The following LSAMP variants were observed in gnomAD, a reference collection of about 807,000 sequenced individuals.
The protein encoded by LSAMP is limbic system associated membrane protein, also known as limbic system-associated membrane protein.
In LSAMP, 7 loss-of-function variants were observed where a neutral mutation model predicts 38.6. That is an observed-to-expected ratio of 0.18 (90% confidence interval 0.10 to 0.34). The LOEUF is 0.34. Among genes scored for constraint, LSAMP ranks in the 10% least tolerant of loss-of-function variants. The pLI is 1.00. For synonymous variants in LSAMP, 154 were observed against 166.8 expected, an observed-to-expected ratio of 0.92 and a Z score of 0.59; for missense variants, 313 against 420.0, an observed-to-expected ratio of 0.75 and a Z score of 2.23.
intron 1 of LSAMP, among the ~76,000 whole-genome samples, chr3:116,330,035 T>G (rs965123138): frequency 6.6e-6 from 1 of 152,176 alleles, no homozygotes; most frequent in Admixed American, 6.5e-5. Flanking sequence ...AAAAGGGTAA[T>G]TAACTCACAT....
intron 1 of LSAMP, among the ~76,000 whole-genome samples, chr3:116,255,105 T>A (rs75700864): frequency 6.6e-6 from 1 of 152,106 alleles, no homozygotes; most frequent in African/African-American, 2.4e-5. Context: ...AGAGCTCTAT[T>A]CTATATTTTT....
chr3:116,387,685 G>A (rs1320931515), intron 1 of LSAMP, among the ~76,000 whole-genome samples: 1 of 152,030 alleles, frequency 6.6e-6, no homozygotes, highest in African/African-American at 2.4e-5. Flanking sequence ...AAACAACATC[G>A]GGATTTCCTA....
At chr3:116,008,416 T>G (rs1209026236) in intron 3 of LSAMP, among the ~76,000 whole-genome samples, 4 of 152,190 alleles carry the variant, frequency 2.6e-5, no homozygotes, top group Non-Finnish European at 4.4e-5. Context: ...AGTTTCATAT[T>G]CATTATCTCA....
chr3:116,433,036 C>G lies in LSAMP; in HGVS notation c.155+11841G>C, dbSNP rs79227700. On this transcript the variant is annotated intron_variant, in intron 1 of 6. Coordinates refer to ENST00000490035, the MANE Select transcript of LSAMP (RefSeq NM_002338.5). Reference sequence around the variant, plus strand: ...ATCTTTAGTTATCTCAAAACAAACACCAGCTACAAATTGGCAACCATATGT... The same window carrying G: ...ATCTTTAGTTATCTCAAAACAAACAGCAGCTACAAATTGGCAACCATATGT... Among the ~76,000 whole-genome samples, 79 of 152,284 alleles carry G rather than the reference C, an allele frequency of 5.2e-4. No individual in the cohort carries two copies. The East Asian group carries it at 0.014, about 26-fold the overall frequency.
chr3:115,823,245 T>C (rs1934303875), intron 6 of LSAMP, among the ~76,000 whole-genome samples: 1 of 152,170 alleles, frequency 6.6e-6, no homozygotes, highest in African/African-American at 2.4e-5. Context: ...GGAAATCCCT[T>C]GTGAGTCAAT....
At chr3:116,391,673 G>A (rs1214169655) in intron 1 of LSAMP, among the ~76,000 whole-genome samples, 1 of 152,060 alleles carries the variant, frequency 6.6e-6, no homozygotes, top group African/African-American at 2.4e-5. Context: ...TGATTCCGGG[G>A]AAATCACTTT....
chr3:115,850,352 G>A (rs1935290669), intron 4 of LSAMP, among the ~76,000 whole-genome samples: 1 of 151,902 alleles, frequency 6.6e-6, no homozygotes, highest in East Asian at 1.9e-4. Context: ...TACCACGATT[G>A]GACTTTCAGA....
intron 1 of LSAMP, among the ~76,000 whole-genome samples, chr3:116,099,017 G>T (rs1708286926): frequency 6.6e-6 from 1 of 152,222 alleles, no homozygotes; most frequent in African/African-American, 2.4e-5. Flanking sequence ...CGCTGGTAAG[G>T]TGATGAAAGT....
chr3:115,958,363 G>C (rs1483717266), intron 3 of LSAMP, among the ~76,000 whole-genome samples: 2 of 152,146 alleles, frequency 1.3e-5, no homozygotes, highest in Non-Finnish European at 2.9e-5. Context: ...ATAGGGTAAA[G>C]ATCATTTATT....
At chr3:116,434,816 T>C (rs1340402783) in intron 1 of LSAMP, among the ~76,000 whole-genome samples, 4 of 152,096 alleles carry the variant, frequency 2.6e-5, no homozygotes, top group East Asian at 1.9e-4. Context: ...TCCCAAAGTG[T>C]TGGGATTACA....
At chr3:116,425,549 A>G (rs2107862399) in intron 1 of LSAMP, among the ~76,000 whole-genome samples, 1 of 152,294 alleles carries the variant, frequency 6.6e-6, no homozygotes, top group East Asian at 1.9e-4. Context: ...TAAAATGCAG[A>G]GAATGTGATA....
Position 115,869,269 on chromosome 3 carries a change from G to GGAGAGAGAGAGAGAGAGAGAGAGAGA in LSAMP, c.515-16678_515-16653dup, listed in dbSNP as rs35112915. ...CCTTCATAACCTCTATCTTGGAGGG[G>GGAGAGAGAGAGAGAGAGAGAGAGAGA]GAGAGAGAGAGAGAGAGAGAGAGAG... On this transcript the variant is annotated intron_variant, in intron 3 of 6. Coordinates refer to ENST00000490035, the MANE Select transcript of LSAMP (RefSeq NM_002338.5). Among the ~76,000 whole-genome samples, 343 of 128,380 alleles carry GGAGAGAGAGAGAGAGAGAGAGAGAGA rather than the reference G, an allele frequency of 2.7e-3. 2 individuals carry two copies. The highest frequency in any genetic ancestry group is 7.8e-3 in the Admixed American group (87 of 11,114). 84.2% of individuals were successfully genotyped at this position (128,380 alleles called of 152,430 possible).
chr3:116,075,847 G>A (rs1559733094), intron 2 of LSAMP, among the ~76,000 whole-genome samples: 1 of 151,944 alleles, frequency 6.6e-6, no homozygotes, highest in Non-Finnish European at 1.5e-5. Context: ...AGCCTCTAGA[G>A]TCTTTTAATT....
intron 2 of LSAMP, among the ~76,000 whole-genome samples, chr3:116,041,820 A>C (rs1426343567): frequency 2.7e-5 from 4 of 146,698 alleles, no homozygotes; most frequent in Non-Finnish European, 4.5e-5. Flanking sequence ...ACAAAACAAA[A>C]AAAAAACACC....
In LSAMP at chr3:116,164,063, CCTA is replaced by C. The variant is rs1486167138; in HGVS notation, c.156-77510_156-77508del. Among the ~76,000 whole-genome samples the C allele has an allele frequency of 9.2e-5, 14 of 152,182 alleles. No homozygotes were observed. In the South Asian group the frequency reaches 2.9e-3, roughly 32 times the overall value. ...TTTCGTTTTGTATTTTAACATTATA[CCTA>C]CTAAATTATCAGCTTGAGCTGGGTC... is the stretch of plus-strand genomic sequence containing the variant. On this transcript the variant is annotated intron_variant, in intron 1 of 6. Coordinates refer to ENST00000490035, the MANE Select transcript of LSAMP (RefSeq NM_002338.5).
At chr3:116,356,427 G>T (rs566352456) in intron 1 of LSAMP, among the ~76,000 whole-genome samples, 1 of 152,298 alleles carries the variant, frequency 6.6e-6, no homozygotes, top group Admixed American at 6.5e-5. Flanking sequence ...CAGAGGTTTG[G>T]AAGAATGGAG....
At chr3:116,238,980 A>G (rs142165687) in intron 1 of LSAMP, among the ~76,000 whole-genome samples, 1 of 152,188 alleles carries the variant, frequency 6.6e-6, no homozygotes, top group African/African-American at 2.4e-5. Context: ...CCCAAGTGAC[A>G]AGGTTTTGAT....
chr3:116,394,124 C>G (rs1311875921), intron 1 of LSAMP, among the ~76,000 whole-genome samples: 1 of 152,118 alleles, frequency 6.6e-6, no homozygotes, highest in East Asian at 1.9e-4. Context: ...GTGTTAACCC[C>G]ACATGTATCG....
chr3:116,187,049 T>C (rs1016569770), intron 1 of LSAMP, among the ~76,000 whole-genome samples: 1 of 152,172 alleles, frequency 6.6e-6, no homozygotes, highest in Non-Finnish European at 1.5e-5. Flanking sequence ...TGTATTATGC[T>C]CTTATCCTGA....
Sources: gnomAD v4.1 joint callset for allele counts (sites outside exome capture counted in the v4.1 genomes callset) on GRCh38, gnomAD v4.1.1 for gene constraint, MANE v1.5 for transcripts, NCBI Gene and HGNC (gene_info 2026-07-23, HGNC 2026-07-21) for gene names.